The following DNAJA3 variants were observed in gnomAD, a reference collection of about 807,000 sequenced individuals.
DNAJA3 encodes dnaJ homolog subfamily A member 3, mitochondrial.
DNAJA3 carries 29 observed loss-of-function variants against 54.9 expected under a neutral mutation model. The observed-to-expected ratio is 0.53, with a 90% CI of 0.39 to 0.72. The LOEUF is 0.72. Among genes scored for constraint, DNAJA3 ranks in the 30% least tolerant of loss-of-function variants. The pLI is 0.00. For synonymous variants in DNAJA3, 302 were observed against 251.4 expected (o/e 1.20, Z -1.90); for missense variants, 708 against 639.4 (o/e 1.11, Z -1.16).
intron 3 of DNAJA3, 95 bp downstream of exon 3, chr16:4,437,580 A>C (rs1215244469): frequency 1.0e-6 from 1 of 995,182 alleles, no homozygotes; most frequent in Non-Finnish European, 1.6e-6. Flanking sequence ...TGTGTCATAC[A>C]GTCCAGTGTG....
chr16:4,454,980 C>G (rs959025570), intron 11 of DNAJA3, 53 bp downstream of exon 11: 9 of 1,265,334 alleles, frequency 7.1e-6, no homozygotes, highest in African/African-American at 1.5e-5. Flanking sequence ...GTGAACTAAT[C>G]CTGGTTTTCT....
chr16:4,428,315 G>C (rs2056650367), intron 1 of DNAJA3, among the ~76,000 whole-genome samples: 1 of 152,126 alleles, frequency 6.6e-6, no homozygotes, highest in Admixed American at 6.6e-5. Flanking sequence ...ATGTGATCCT[G>C]GCTCACTTCA....
At position 4,425,903 on chromosome 16, in the gene DNAJA3, C is replaced by G. The variant is rs765446875; in HGVS notation, c.22C>G (p.Arg8Gly). MAARCSTRWLLVVVGTPR... is the reference protein window; with the variant it reads MAARCSTGWLLVVVGTPR... ...CAAGATGGCTGCGCGGTGCTCCACACGCTGGTTGCTGGTGGTTGTGGGGAC... is the reference window on the plus strand; with the variant it reads ...CAAGATGGCTGCGCGGTGCTCCACAGGCTGGTTGCTGGTGGTTGTGGGGAC... The change falls in exon 1 of 12, where the codon CGC (arginine) becomes GGC (glycine). Residue 8 changes from arginine (R) to glycine (G), a missense_variant. Arg to Gly is a moderately radical substitution (Grantham distance 125). Coordinates refer to ENST00000262375, the MANE Select transcript of DNAJA3 (RefSeq NM_005147.6). 1.5e-5 allele frequency: 23 copies of G among 1,543,282 alleles called. No individual in the cohort carries two copies. The highest frequency in any genetic ancestry group is 3.9e-5 in the Admixed American group (2 of 50,822).
chr16:4,450,712 G>C (rs903936185), intron 10 of DNAJA3, among the ~76,000 whole-genome samples: 7 of 152,190 alleles, frequency 4.6e-5, no homozygotes, highest in African/African-American at 1.4e-4. Context: ...GTGTGTTTCT[G>C]TGCTGAGGTG....
chr16:4,446,521 G>C (rs192449323), intron 7 of DNAJA3, among the ~76,000 whole-genome samples: 1 of 152,106 alleles, frequency 6.6e-6, no homozygotes, highest in Non-Finnish European at 1.5e-5. Context: ...TGGGATTACA[G>C]GTGTGTGCCA....
chr16:4,429,175 C>G lies in DNAJA3; in HGVS notation c.211+3083C>G, dbSNP rs146277803. ...GTGCTGGGATTACAGGTGTGAGCCA[C>G]CGCGCCCGGCCAAGATTTTTTTTGT... is the stretch of plus-strand genomic sequence containing the variant. On this transcript the variant is annotated intron_variant, in intron 1 of 11. Coordinates refer to ENST00000262375, the MANE Select transcript of DNAJA3 (RefSeq NM_005147.6). Among the ~76,000 whole-genome samples, 146 of 151,948 alleles carry G rather than the reference C, an allele frequency of 9.6e-4. 3 individuals are homozygous for G. The East Asian group carries it at 0.024, about 25-fold the overall frequency.
In DNAJA3 at chr16:4,442,007, C is replaced by T. The variant is rs890376053; in HGVS notation, c.631-261C>T. 2.0e-5 allele frequency among the ~76,000 whole-genome samples: 3 copies of T among 152,020 alleles called. No homozygotes were observed. The South Asian group carries it at 6.2e-4, about 32-fold the overall frequency. ...TCAGGCTGTTTTTAAGTGCCATGTA[C>T]GAGTATTTATCTGTGAACATTTTCA... On this transcript the variant is annotated intron_variant, in intron 4 of 11. Transcript: ENST00000262375.
At chr16:4,450,785 A>C (rs552570128) in intron 10 of DNAJA3, among the ~76,000 whole-genome samples, 1 of 152,140 alleles carries the variant, frequency 6.6e-6, no homozygotes, top group East Asian at 1.9e-4. Context: ...TCTGAGTTCT[A>C]TTCTTGGTTC....
chr16:4,449,758 G>T (rs558882592), intron 9 of DNAJA3: 3 of 152,306 alleles, frequency 2.0e-5, no homozygotes, highest in African/African-American at 7.2e-5. Flanking sequence ...CCTAGGGCGG[G>T]ACATGCCTGA....
At chr16:4,427,914 G>A (rs1023360798) in intron 1 of DNAJA3, among the ~76,000 whole-genome samples, 1 of 152,116 alleles carries the variant, frequency 6.6e-6, no homozygotes, top group Non-Finnish European at 1.5e-5. Context: ...CAAAGTGCTG[G>A]GGTTACAGGC....
intron 11 of DNAJA3, among the ~76,000 whole-genome samples, 185 bp downstream of exon 11, chr16:4,455,112 A>G (rs1485673945): frequency 1.3e-5 from 2 of 152,174 alleles, no homozygotes; most frequent in East Asian, 1.9e-4. Flanking sequence ...TGACGTGGCA[A>G]TCAGCCTGTA....
At chr16:4,437,365 A>G (rs1356546478) in intron 2 of DNAJA3, 37 bp from the exon 3 acceptor site, 4 of 1,570,290 alleles carry the variant, frequency 2.5e-6, no homozygotes, top group Admixed American at 3.4e-5. Flanking sequence ...TGGGGTTCAC[A>G]TTGTATCTGG....
At position 4,447,354 on chromosome 16, in the gene DNAJA3, A is replaced by G. The variant is rs146918866; in HGVS notation, c.1125+340A>G. 200 of 236,658 alleles carry G rather than the reference A, an allele frequency of 8.5e-4. 1 individual carries two copies. Among genetic ancestry groups the G allele is most frequent in the Middle Eastern group, 1.4e-3 (1 of 712 alleles). 14.7% of individuals were successfully genotyped at this position (236,658 alleles called of 1,614,324 possible). The stretch of plus-strand genomic sequence containing the variant: ...CAGTGTCTGGCTCCAAGAGCAGAAG[A>G]CTCGGGCGGTGCATATCCCTTTTGC... On this transcript the variant is annotated intron_variant, in intron 8 of 11. Coordinates refer to ENST00000262375, the MANE Select transcript of DNAJA3 (RefSeq NM_005147.6).
At chr16:4,433,036 G>C (rs1025427434) in intron 1 of DNAJA3, among the ~76,000 whole-genome samples, 1 of 152,056 alleles carries the variant, frequency 6.6e-6, no homozygotes, top group African/African-American at 2.4e-5. Flanking sequence ...CAGCTACTTG[G>C]GAGGCTGAGG....
At chr16:4,433,185 C>T (rs1176534026) in intron 1 of DNAJA3, 1 of 152,184 alleles carries the variant, frequency 6.6e-6, no homozygotes, top group Non-Finnish European at 1.5e-5. Flanking sequence ...AGTGGATGAA[C>T]TAAAACATCC....
intron 9 of DNAJA3, 90 bp downstream of exon 9, chr16:4,448,938 C>T: frequency 1.1e-6 from 1 of 916,902 alleles, no homozygotes; most frequent in Non-Finnish European, 1.7e-6. Flanking sequence ...TTACTGCTCC[C>T]TGTAAGTCAG....
chr16:4,438,833 G>T (rs942473458), intron 3 of DNAJA3, among the ~76,000 whole-genome samples: 9 of 151,910 alleles, frequency 5.9e-5, no homozygotes, highest in African/African-American at 2.2e-4. Context: ...ATCTATAAGA[G>T]TAGACAGCCA....
chr16:4,435,610 T>C (rs2056764244), intron 2 of DNAJA3, among the ~76,000 whole-genome samples: 2 of 152,244 alleles, frequency 1.3e-5, no homozygotes, highest in South Asian at 2.1e-4. Context: ...TCTTGGCTTC[T>C]TTCATTCACA....
intron 10 of DNAJA3, among the ~76,000 whole-genome samples, chr16:4,453,674 C>T (rs566665275): frequency 7.9e-5 from 12 of 152,184 alleles, no homozygotes; most frequent in Non-Finnish European, 1.5e-4. Flanking sequence ...TCAGGCAATC[C>T]GCCTGCCTTG....
Sources: gnomAD v4.1 joint callset for allele counts (sites outside exome capture counted in the v4.1 genomes callset) on GRCh38, gnomAD v4.1.1 for gene constraint, MANE v1.5 for transcripts, NCBI Gene and HGNC (gene_info 2026-07-23, HGNC 2026-07-21) for gene names.